ZNF638: variants seen among roughly 807,000 people sequenced by gnomAD.
The protein encoded by ZNF638 is CTCL tumor antigen se33-1.
ZNF638 carries 46 observed loss-of-function variants against 195.6 expected under a neutral mutation model. The observed-to-expected ratio is 0.24, with a 90% CI of 0.19 to 0.30. ZNF638 has a LOEUF of 0.30. Among genes scored for constraint, ZNF638 ranks in the 10% least tolerant of loss-of-function variants. The probability of loss-of-function intolerance (pLI) is 1.00; values close to 1 mark genes in which losing one functional copy is unlikely to be tolerated. For missense variants in ZNF638, 2,440 were observed against 2,325.3 expected (o/e 1.05, Z -1.01); for synonymous variants, 845 against 772.0 (o/e 1.09, Z -1.57).
intron 3 of ZNF638, among the ~76,000 whole-genome samples, chr2:71,362,428 G>A (rs1395010024): frequency 6.6e-6 from 1 of 151,880 alleles, no homozygotes; most frequent in African/African-American, 2.4e-5. Context: ...ACAAATGTTC[G>A]TTAAGTTCCC....
intron 10 of ZNF638, among the ~76,000 whole-genome samples, chr2:71,385,884 T>C (rs751390445): frequency 1.3e-5 from 2 of 152,184 alleles, no homozygotes; most frequent in Admixed American, 6.5e-5. Flanking sequence ...AATATTAATG[T>C]TAAATTTTAG....
chr2:71,426,557 G>C lies in ZNF638; in HGVS notation c.4688G>C (p.Gly1563Ala). The C allele has an allele frequency of 6.2e-7, 1 of 1,613,974 alleles. No individual in the cohort carries two copies. Among genetic ancestry groups the C allele is most frequent in the Non-Finnish European group, 8.5e-7 (1 of 1,179,972 alleles). Residue 1563 changes from glycine (G) to alanine (A), a missense_variant, in exon 24 of 28, where the codon GGA (glycine) becomes GCA (alanine). By Grantham distance (60) the Gly-to-Ala change is moderately conservative. Coordinates refer to ENST00000264447, the MANE Select transcript of ZNF638 (RefSeq NM_014497.5). ...CAGGCCAAGCAGAATCCACTAAAGG[G>C]AAAAAGGAAAGAAACTCTCAAAAAT... ...PSQAKQNPLK[G>A]KRKETLKNVP...
intron 5 of ZNF638, 46 bp from the exon 6 acceptor site, chr2:71,365,383 C>A: frequency 6.9e-7 from 1 of 1,455,782 alleles, no homozygotes; most frequent in Non-Finnish European, 9.2e-7. Context: ...ATGGCTCCTA[C>A]CTTAATTTTT....
chr2:71,375,652 T>G (rs182841694), intron 8 of ZNF638: 1 of 152,310 alleles, frequency 6.6e-6, no homozygotes, highest in African/African-American at 2.4e-5. Context: ...AACTTTATCC[T>G]GTAGAGAGGT....
intron 27 of ZNF638, among the ~76,000 whole-genome samples, chr2:71,434,115 A>T (rs1052785251): frequency 2.0e-5 from 3 of 152,110 alleles, no homozygotes; most frequent in Non-Finnish European, 2.9e-5. Context: ...CTAATATCCA[A>T]ACTTCTTATT....
intron 1 of ZNF638, among the ~76,000 whole-genome samples, chr2:71,347,911 G>T (rs890169470): frequency 6.6e-6 from 1 of 152,222 alleles, no homozygotes; most frequent in Non-Finnish European, 1.5e-5. Flanking sequence ...CTTTACCTGT[G>T]TGTGCCTTAG....
intron 3 of ZNF638, among the ~76,000 whole-genome samples, chr2:71,359,934 T>C (rs2079081369): frequency 6.6e-6 from 1 of 152,204 alleles, no homozygotes; most frequent in African/African-American, 2.4e-5. Context: ...TAGGTAATTA[T>C]GCTGTGTTTA....
At chr2:71,425,063 G>A (rs2080511432) in intron 23 of ZNF638, among the ~76,000 whole-genome samples, 1 of 152,162 alleles carries the variant, frequency 6.6e-6, no homozygotes, top group African/African-American at 2.4e-5. Context: ...ACTGACATTT[G>A]ACTTGAGTCA....
intron 10 of ZNF638, among the ~76,000 whole-genome samples, chr2:71,390,010 C>T (rs2079738140): frequency 6.6e-6 from 1 of 152,176 alleles, no homozygotes; most frequent in Non-Finnish European, 1.5e-5. Context: ...GAGAAAACCC[C>T]AAATTGTTTT....
intron 20 of ZNF638, among the ~76,000 whole-genome samples, chr2:71,417,976 T>A (rs1022909995): frequency 2.6e-5 from 4 of 152,320 alleles, no homozygotes; most frequent in Admixed American, 2.6e-4. Context: ...TTCTAGTATG[T>A]ATAAGCTCTG....
chr2:71,430,868 A>G (rs1383559514), intron 25 of ZNF638, among the ~76,000 whole-genome samples: 1 of 152,136 alleles, frequency 6.6e-6, no homozygotes, highest in Non-Finnish European at 1.5e-5. Context: ...TAACATTTAT[A>G]TTAATAATTT....
chr2:71,409,088 A>C (rs2080161304), intron 20 of ZNF638, among the ~76,000 whole-genome samples: 1 of 152,164 alleles, frequency 6.6e-6, no homozygotes, highest in Non-Finnish European at 1.5e-5. Flanking sequence ...CACTGACTGT[A>C]CAGAAATCCT....
intron 1 of ZNF638, among the ~76,000 whole-genome samples, chr2:71,343,630 G>T (rs754385852): frequency 1.1e-4 from 17 of 152,144 alleles, no homozygotes; most frequent in Non-Finnish European, 2.5e-4. Context: ...AGATTAGATT[G>T]TCTCCTAACC....
In ZNF638 at chr2:71,401,989, A is replaced by G; in HGVS notation, c.2731A>G (p.Asn911Asp). ...TEEMCVMLVS[N>D]LPNKGYSVEE... The stretch of plus-strand genomic sequence containing the variant: ...AGAAATGTGTGTGATGCTTGTCTCT[A>G]ATTTGCCTAATAAAGGATATTCTGT... The change falls in exon 16 of 28, where the codon AAT (asparagine) becomes GAT (aspartate). Residue 911 changes from asparagine to aspartate, a missense_variant. Physicochemically the swap from Asn to Asp is conservative, Grantham distance 23. Transcript: ENST00000264447. 6.3e-7 allele frequency: 1 copy of G among 1,599,204 alleles called. No individual in the cohort carries two copies. The highest frequency in any genetic ancestry group is 8.5e-7 in the Non-Finnish European group (1 of 1,171,228).
intron 2 of ZNF638, 70 bp downstream of exon 2, chr2:71,350,341 T>A: frequency 6.9e-7 from 1 of 1,448,616 alleles, no homozygotes; most frequent in Non-Finnish European, 9.3e-7. Context: ...TTCTGATATG[T>A]ATGCTGCTTG....
At chr2:71,376,727 C>T (rs1222119351) in intron 8 of ZNF638, among the ~76,000 whole-genome samples, 1 of 152,008 alleles carries the variant, frequency 6.6e-6, no homozygotes, top group Non-Finnish European at 1.5e-5. Flanking sequence ...TAAAAAAAAT[C>T]CTATATCCCT....
At chr2:71,407,691 C>CA (rs1441969214) in intron 19 of ZNF638, 1 of 152,626 alleles carries the variant, frequency 6.6e-6, no homozygotes, top group East Asian at 1.9e-4. Context: ...ATCCTTTTGA[C>CA]AATAACTCGC....
At chr2:71,398,246 T>C (rs1480292167) in intron 11 of ZNF638, among the ~76,000 whole-genome samples, 1 of 152,184 alleles carries the variant, frequency 6.6e-6, no homozygotes, top group Non-Finnish European at 1.5e-5. Context: ...ATCTGGGGGA[T>C]GGGAGCCAAG....
chr2:71,346,844 A>C (rs1344440234), intron 1 of ZNF638, among the ~76,000 whole-genome samples: 1 of 151,930 alleles, frequency 6.6e-6, no homozygotes, highest in Non-Finnish European at 1.5e-5. Flanking sequence ...ACATGACGAA[A>C]CCCCATCTCT....
Sources: gnomAD v4.1 joint callset for allele counts (sites outside exome capture counted in the v4.1 genomes callset) on GRCh38, gnomAD v4.1.1 for gene constraint, MANE v1.5 for transcripts, NCBI Gene and HGNC (gene_info 2026-07-23, HGNC 2026-07-21) for gene names.